The following VAV3 variants were observed in gnomAD, a reference collection of about 807,000 sequenced individuals.
The protein encoded by VAV3 is vav guanine nucleotide exchange factor 3.
VAV3 carries 94 observed loss-of-function variants against 131.2 expected under a neutral mutation model. That is an observed-to-expected ratio of 0.72 (90% CI 0.61 to 0.85). The LOEUF (loss-of-function observed/expected upper bound fraction) is 0.85, where lower values mean the gene tolerates loss of function less well. Ranked by LOEUF, VAV3 falls within the 40% of genes least tolerant of loss-of-function variation. The pLI, the probability that VAV3 is intolerant of heterozygous loss-of-function variation, is 0.00. For missense variants in VAV3, 939 were observed against 1,002.7 expected, an observed-to-expected ratio of 0.94 and a Z score of 0.86; for synonymous variants, 349 against 342.0, an observed-to-expected ratio of 1.02 and a Z score of -0.22.
chr1:107,819,171 C>A (rs540106288), intron 2 of VAV3, among the ~76,000 whole-genome samples: 1 of 152,248 alleles, frequency 6.6e-6, no homozygotes, highest in South Asian at 2.1e-4. Flanking sequence ...TAACAACATT[C>A]TATCTTTTCC....
chr1:107,761,086 T>C (rs1005682307), intron 9 of VAV3, among the ~76,000 whole-genome samples: 1 of 152,198 alleles, frequency 6.6e-6, no homozygotes, highest in African/African-American at 2.4e-5. Flanking sequence ...AGAACTATTT[T>C]GTGTATGAAA....
At chr1:107,718,066 A>ACT (rs1056957021) in intron 15 of VAV3, among the ~76,000 whole-genome samples, 1 of 152,116 alleles carries the variant, frequency 6.6e-6, no homozygotes, top group Non-Finnish European at 1.5e-5. Context: ...TCAAAATAAT[A>ACT]AGAGGTATTT....
chr1:107,795,641 A>C (rs1182806951), intron 2 of VAV3, among the ~76,000 whole-genome samples: 8 of 152,256 alleles, frequency 5.3e-5, no homozygotes, highest in Non-Finnish European at 1.0e-4. Context: ...TAACAACCTG[A>C]ATCAAGAGGG....
chr1:107,643,881 A>G (rs1655532944), intron 19 of VAV3, among the ~76,000 whole-genome samples: 1 of 152,138 alleles, frequency 6.6e-6, no homozygotes, highest in Non-Finnish European at 1.5e-5. Flanking sequence ...CTTGTTTATC[A>G]ATCCAATCAG....
chr1:107,666,037 A>G lies in VAV3; in HGVS notation c.1777+17451T>C, dbSNP rs116336706. On this transcript the variant is annotated intron_variant, in intron 19 of 26. Transcript: ENST00000370056. ...AAATGCTCCCAAGGTCACTATGTTCATAAGTAACACCACGTGGCCTGAAGA... is the reference window on the plus strand; with the variant it reads ...AAATGCTCCCAAGGTCACTATGTTCGTAAGTAACACCACGTGGCCTGAAGA... Among the ~76,000 whole-genome samples, 432 of 152,314 alleles carry G rather than the reference A, an allele frequency of 2.8e-3. 2 individuals carry two copies. The highest frequency in any genetic ancestry group is 0.01 in the African/African-American group (416 of 41,560).
chr1:107,601,035 G>A (rs1195174559), intron 24 of VAV3, among the ~76,000 whole-genome samples: 1 of 152,114 alleles, frequency 6.6e-6, no homozygotes, highest in Non-Finnish European at 1.5e-5. Context: ...CAGAGATGTG[G>A]AGAGCCCCTG....
intron 2 of VAV3, among the ~76,000 whole-genome samples, chr1:107,867,624 A>G (rs979446417): frequency 6.6e-6 from 1 of 152,198 alleles, no homozygotes; most frequent in Non-Finnish European, 1.5e-5. Flanking sequence ...GAATCACTGC[A>G]GAGCTCCCCC....
At chr1:107,719,854 A>G (rs367555722) in intron 15 of VAV3, among the ~76,000 whole-genome samples, 1 of 152,240 alleles carries the variant, frequency 6.6e-6, no homozygotes, top group Non-Finnish European at 1.5e-5. Context: ...TGTGGCACAT[A>G]TACACCATGG....
At chr1:107,656,574 T>C (rs938295327) in intron 19 of VAV3, among the ~76,000 whole-genome samples, 6 of 152,204 alleles carry the variant, frequency 3.9e-5, no homozygotes, top group African/African-American at 1.4e-4. Context: ...ATTAATCCAT[T>C]GCATATTTCA....
At chr1:107,616,811 T>C (rs1220444813) in intron 21 of VAV3, among the ~76,000 whole-genome samples, 1 of 152,176 alleles carries the variant, frequency 6.6e-6, no homozygotes, top group Non-Finnish European at 1.5e-5. Context: ...GCACGATAGA[T>C]TAAGGAGAGT....
At chr1:107,926,578 T>TC (rs71098654) in intron 1 of VAV3, among the ~76,000 whole-genome samples, 92,032 of 151,804 alleles carry the variant, frequency 0.61, 29,795 homozygotes, top group Middle Eastern at 0.76. Flanking sequence ...ATGCCACCCC[T>TC]CCCCCATCTC....
At chr1:107,875,953 T>C (rs1321235192) in intron 1 of VAV3, among the ~76,000 whole-genome samples, 2 of 152,148 alleles carry the variant, frequency 1.3e-5, no homozygotes, top group Admixed American at 1.3e-4. Flanking sequence ...TGGGAGTCTT[T>C]AGTGTACAGA....
chr1:107,609,763 G>A (rs1652576969), intron 22 of VAV3, 168 bp downstream of exon 22: 1 of 651,952 alleles, frequency 1.5e-6, no homozygotes. Context: ...TAAAGATATG[G>A]AAAGGTCAGC....
intron 2 of VAV3, among the ~76,000 whole-genome samples, chr1:107,871,415 T>TG (rs1366448300): frequency 2.7e-5 from 4 of 149,930 alleles, no homozygotes; most frequent in Admixed American, 2.7e-4. Flanking sequence ...TTAACAACCC[T>TG]GAAGAGTGAG....
chr1:107,859,780 C>T (rs1669651923), intron 2 of VAV3, among the ~76,000 whole-genome samples: 1 of 152,144 alleles, frequency 6.6e-6, no homozygotes, highest in Non-Finnish European at 1.5e-5. Flanking sequence ...TTCTTAGACT[C>T]ATGAAGACAT....
At chr1:107,778,095 A>C (rs376454093) in intron 3 of VAV3, among the ~76,000 whole-genome samples, 76 of 152,318 alleles carry the variant, frequency 5.0e-4, no homozygotes, top group African/African-American at 1.8e-3. Context: ...GGCAGCCAGC[A>C]TATCACATGT....
chr1:107,879,576 A>G (rs1184170177), intron 1 of VAV3, among the ~76,000 whole-genome samples: 1 of 151,960 alleles, frequency 6.6e-6, no homozygotes, highest in East Asian at 1.9e-4. Flanking sequence ...CAGTCTATTC[A>G]TTCTTTGAGA....
At chr1:107,710,599 C>A (rs976222454) in intron 15 of VAV3, among the ~76,000 whole-genome samples, 9 of 152,006 alleles carry the variant, frequency 5.9e-5, no homozygotes, top group African/African-American at 2.2e-4. Context: ...CTCCATGATA[C>A]AACAAGTTGG....
chr1:107,913,206 A>G (rs1400821150), intron 1 of VAV3, among the ~76,000 whole-genome samples: 1 of 152,220 alleles, frequency 6.6e-6, no homozygotes, highest in African/African-American at 2.4e-5. Flanking sequence ...TTCTGGCATC[A>G]GATTATACAG....
Sources: allele counts gnomAD v4.1 joint callset (sites outside exome capture counted in the v4.1 genomes callset), GRCh38; gene constraint gnomAD v4.1.1; transcripts MANE v1.5; gene names NCBI Gene and HGNC (gene_info 2026-07-23, HGNC 2026-07-21).